BMS1: variants seen among roughly 807,000 people sequenced by gnomAD.
BMS1 encodes BMS1 ribosome biogenesis factor, also known as ribosome biogenesis protein BMS1 homolog.
Under a neutral mutation model 138.7 loss-of-function variants are expected in BMS1, and 53 were observed. The observed-to-expected ratio is 0.38, with a 90% CI of 0.31 to 0.48. BMS1 has a LOEUF of 0.48. BMS1 is among the 20% of genes least tolerant of loss of function. The probability of loss-of-function intolerance (pLI) is 0.97; values close to 1 mark genes in which losing one functional copy is unlikely to be tolerated. For synonymous variants in BMS1, 504 were observed against 539.9 expected (o/e 0.93, Z 0.92); for missense variants, 1,360 against 1,565.5 (o/e 0.87, Z 2.22).
rs1337423246 is a variant in BMS1, at chr10:42,798,518, G to A, written c.2140G>A (p.Gly714Arg). 6.2e-7 allele frequency: 1 copy of A among 1,614,144 alleles called. No homozygotes were observed. Among genetic ancestry groups the A allele is most frequent in the African/African-American group, 1.3e-5 (1 of 74,948 alleles). The change falls in exon 12 of 23, where the codon GGG becomes AGG. Residue 714 changes from glycine to arginine, a missense_variant. Gly to Arg is a moderately radical substitution (Grantham distance 125, BLOSUM62 -2). This residue lies in a region of BMS1 where 697 missense variants were observed against 686.2 expected (regional missense o/e 1.02). Coordinates refer to ENST00000374518, the MANE Select transcript of BMS1 (RefSeq NM_014753.4). ...EDDDTLEELG[G>R]LFRVNQPDRE... is the part of the protein sequence containing the mutation. ...TGATGATACTCTAGAAGAGCTTGGA[G>A]GGTTGTTTCGTGTCAACCAGCCTGA... is the stretch of plus-strand genomic sequence containing the variant.
chr10:42,824,934 T>A (rs1056652006), intron 21 of BMS1, among the ~76,000 whole-genome samples: 2 of 152,212 alleles, frequency 1.3e-5, no homozygotes, highest in Non-Finnish European at 2.9e-5. Context: ...TGCCTCCAAC[T>A]TTTTCTTTCA....
At chr10:42,791,431 G>A (rs953586722) in intron 5 of BMS1, among the ~76,000 whole-genome samples, 196 bp from the exon 6 acceptor site, 3 of 152,104 alleles carry the variant, frequency 2.0e-5, no homozygotes, top group East Asian at 1.9e-4. Context: ...GCCCCGGCTC[G>A]GCTGCAGAGC....
chr10:42,788,481 T>G (rs1841406768), intron 4 of BMS1, among the ~76,000 whole-genome samples: 1 of 152,206 alleles, frequency 6.6e-6, no homozygotes, highest in South Asian at 2.1e-4. Context: ...CTCAAACATT[T>G]ATCATTTTTT....
In BMS1 at chr10:42,830,308, A is replaced by G. The variant is rs1382299833; in HGVS notation, c.3504A>G (p.Lys1168=). The part of the protein sequence containing the change: ...KKHFNSLHIP[K]ALQKALPFKN... Reference sequence around the variant, plus strand: ...ATTTTAATTCACTGCACATTCCAAAAGCCTTGCAGAAGGCCCTGCCATTTA... The same window carrying G: ...ATTTTAATTCACTGCACATTCCAAAGGCCTTGCAGAAGGCCCTGCCATTTA... The change falls in exon 22 of 23, where the codon AAA becomes AAG. Residue 1168 remains lysine, a synonymous_variant. Coordinates refer to ENST00000374518, the MANE Select transcript of BMS1 (RefSeq NM_014753.4). 6.2e-7 allele frequency: 1 copy of G among 1,613,946 alleles called. No individual in the cohort carries two copies. Among genetic ancestry groups the G allele is most frequent in the Admixed American group, 1.7e-5 (1 of 59,956 alleles).
intron 21 of BMS1, among the ~76,000 whole-genome samples, chr10:42,825,624 T>G (rs1842615552): frequency 6.6e-6 from 1 of 152,260 alleles, no homozygotes; most frequent in South Asian, 2.1e-4. Context: ...CAACTGATTT[T>G]TATATATTGA....
chr10:42,820,058 C>G (rs1192389057), intron 15 of BMS1, 178 bp from the exon 16 acceptor site: 1 of 326,966 alleles, frequency 3.1e-6, no homozygotes, highest in Admixed American at 6.5e-5. Context: ...TCCCAAAGTG[C>G]TGGGATTACA....
intron 14 of BMS1, among the ~76,000 whole-genome samples, chr10:42,817,103 G>A (rs1842371464): frequency 6.6e-6 from 1 of 152,168 alleles, no homozygotes; most frequent in Non-Finnish European, 1.5e-5. Context: ...GCCAGCTTAA[G>A]GATTAGCAGC....
Position 42,789,524 on chromosome 10 carries a change from T to C in BMS1, c.448-799T>C, listed in dbSNP as rs560444664. Among the ~76,000 whole-genome samples the C allele has an allele frequency of 1.6e-3, 247 of 152,316 alleles. 2 individuals are homozygous for C. Among genetic ancestry groups the C allele is most frequent in the African/African-American group, 5.8e-3 (243 of 41,586 alleles). On this transcript the variant is annotated intron_variant, in intron 4 of 22. Coordinates refer to ENST00000374518, the MANE Select transcript of BMS1 (RefSeq NM_014753.4). ...AATTATTTTGCATCTTTGAAGCATC[T>C]TAAATTTTAAAAATTGGTCTCATCT...
intron 21 of BMS1, among the ~76,000 whole-genome samples, chr10:42,828,206 A>G (rs1348810132): frequency 6.6e-6 from 1 of 152,232 alleles, no homozygotes; most frequent in East Asian, 1.9e-4. Flanking sequence ...TTTGACTTTT[A>G]TAAAATACAG....
intron 20 of BMS1, 144 bp downstream of exon 20, chr10:42,823,409 C>G (rs1473538543): frequency 8.3e-7 from 1 of 1,208,212 alleles, no homozygotes; most frequent in African/African-American, 1.5e-5. Context: ...TGTGCCCATT[C>G]GCTTTGTGTC....
chr10:42,817,530 G>T lies in BMS1; in HGVS notation c.2580+36G>T, dbSNP rs1433336172. 5 of 1,573,838 alleles carry T rather than the reference G, an allele frequency of 3.2e-6. No individual in the cohort carries two copies. The South Asian group carries it at 4.7e-5, about 15-fold the overall frequency. ...TCAGTTCCTCTCAGCCCCTTGTCAA[G>T]ACTATCATATAGCGCAGGAATCCCT... On this transcript the variant is annotated intron_variant, in intron 15 of 22. Coordinates refer to ENST00000374518, the MANE Select transcript of BMS1 (RefSeq NM_014753.4).
In BMS1 at chr10:42,833,265, G is replaced by A. The variant is rs570192457; in HGVS notation, c.*2169G>A. 13 of 148,806 alleles carry A rather than the reference G, an allele frequency of 8.7e-5. No individual in the cohort carries two copies. In the East Asian group the frequency reaches 2.5e-3, roughly 29 times the overall value. The allele number at this position is 148,806 out of a possible 1,614,324, so 9.2% of individuals were successfully genotyped here. A position where few individuals can be genotyped will look rare whatever the true frequency, so the allele number is the denominator to read the frequency against. ...GCATATTAAGATTATTTAAACTAAA[G>A]TTAAGGAATCTCTAATGTCTGAAAG... On this transcript the variant is annotated 3_prime_UTR_variant, in exon 23 of 23. Coordinates refer to ENST00000374518, the MANE Select transcript of BMS1 (RefSeq NM_014753.4).
At chr10:42,786,114 G>A (rs1431114923) in intron 3 of BMS1, among the ~76,000 whole-genome samples, 1 of 152,208 alleles carries the variant, frequency 6.6e-6, no homozygotes, top group Non-Finnish European at 1.5e-5. Context: ...CTTTGGCTTT[G>A]CCAAACATGT....
intron 21 of BMS1, among the ~76,000 whole-genome samples, chr10:42,825,766 C>CT (rs967200040): frequency 6.6e-6 from 1 of 151,818 alleles, no homozygotes; most frequent in Non-Finnish European, 1.5e-5. Flanking sequence ...ATTTAGTTGC[C>CT]TTTTTTTTCT....
At chr10:42,803,499 A>G (rs1841931294) in intron 13 of BMS1, among the ~76,000 whole-genome samples, 1 of 151,972 alleles carries the variant, frequency 6.6e-6, no homozygotes, top group African/African-American at 2.4e-5. Context: ...CTTCTAGTTA[A>G]TATCACTGAT....
chr10:42,814,919 G>C (rs558994321), intron 13 of BMS1, among the ~76,000 whole-genome samples: 2 of 152,116 alleles, frequency 1.3e-5, no homozygotes, highest in Non-Finnish European at 2.9e-5. Context: ...CTATTGCTAC[G>C]TTGGGAGTTG....
intron 12 of BMS1, among the ~76,000 whole-genome samples, chr10:42,799,939 T>A (rs182190789): frequency 6.6e-6 from 1 of 152,354 alleles, no homozygotes; most frequent in Admixed American, 6.5e-5. Context: ...ATAAACCAAG[T>A]CTTTGGTCTG....
Position 42,817,419 on chromosome 10 carries a change from G to A in BMS1, c.2505G>A (p.Met835Ile), listed in dbSNP as rs1842380793. ...HLDKKRKLKEMFDAEYDEGES... is the reference protein window; with the variant it reads ...HLDKKRKLKEIFDAEYDEGES... ...ATAAGAAGAGAAAATTGAAGGAGAT[G>A]TTTGATGCAGAATATGATGAAGGAG... Residue 835 changes from methionine (M) to isoleucine (I), a missense_variant, in exon 15 of 23, where the codon ATG (methionine) becomes ATA (isoleucine). Physicochemically the swap from Met to Ile is conservative, Grantham distance 10. This residue lies in a region of BMS1 where 425 missense variants were observed against 568.3 expected (regional missense o/e 0.75). Transcript: ENST00000374518. 6.2e-7 allele frequency: 1 copy of A among 1,609,324 alleles called. No homozygotes were observed. Among genetic ancestry groups the A allele is most frequent in the Admixed American group, 1.7e-5 (1 of 59,116 alleles).
At chr10:42,822,300 T>C (rs1249509504) in intron 19 of BMS1, 116 bp downstream of exon 19, 2 of 610,202 alleles carry the variant, frequency 3.3e-6, no homozygotes, top group Non-Finnish European at 5.4e-6. Context: ...AAATCTTTTA[T>C]AAACTTCATA....
Sources: allele counts gnomAD v4.1 joint callset (sites outside exome capture counted in the v4.1 genomes callset), GRCh38; gene constraint gnomAD v4.1.1; regional missense constraint gnomAD v4.1.1; transcripts MANE v1.5; gene names NCBI Gene and HGNC (gene_info 2026-07-23, HGNC 2026-07-21).